The following TPCN1 variants were observed in gnomAD, a reference collection of about 807,000 sequenced individuals.
TPCN1 encodes the protein two pore channel protein 1.
A neutral mutation model predicts 108.8 loss-of-function variants in TPCN1; 52 were observed. That is an observed-to-expected ratio of 0.48 (90% confidence interval 0.38 to 0.60). The LOEUF (loss-of-function observed/expected upper bound fraction) is 0.60, where lower values mean the gene tolerates loss of function less well. TPCN1 is among the 20% of genes least tolerant of loss of function. The pLI is 0.00. For synonymous variants in TPCN1, 446 were observed against 433.7 expected, an observed-to-expected ratio of 1.03 and a Z score of -0.35; for missense variants, 806 against 1,072.8, an observed-to-expected ratio of 0.75 and a Z score of 3.47.
At chr12:113,270,605 C>T (rs962210740) in intron 7 of TPCN1, among the ~76,000 whole-genome samples, 4 of 152,038 alleles carry the variant, frequency 2.6e-5, no homozygotes, top group Admixed American at 2.0e-4. Flanking sequence ...CTCAGCCTCC[C>T]GAGTAGCTGG....
Position 113,288,305 on chromosome 12 carries a change from G to A in TPCN1, c.1706+71G>A, listed in dbSNP as rs749061346. ...GCAGTGCCCCGTGGGGGCGGGAGCC[G>A]AGTGGCAGTCGGGGGAAAGGAGTTC... is the stretch of plus-strand genomic sequence containing the variant. On this transcript the variant is annotated intron_variant, in intron 20 of 27. Coordinates refer to ENST00000335509, the MANE Select transcript of TPCN1 (RefSeq NM_017901.6). This position sits in a 1 kb window ranked among gnomAD's most constrained non-coding sequence, Gnocchi z 4.8. The A allele has an allele frequency of 1.6e-5, 26 of 1,604,750 alleles. No homozygotes were observed. In the Admixed American group the frequency reaches 2.0e-4, roughly 13 times the overall value.
At chr12:113,229,207 C>CT (rs1953584171) in intron 2 of TPCN1, among the ~76,000 whole-genome samples, 1 of 152,210 alleles carries the variant, frequency 6.6e-6, no homozygotes, top group South Asian at 2.1e-4. Context: ...AAATGTATAA[C>CT]TAACTGCTGG....
chr12:113,250,356 C>T (rs866980417), intron 2 of TPCN1, among the ~76,000 whole-genome samples: 1 of 152,246 alleles, frequency 6.6e-6, no homozygotes, highest in South Asian at 2.1e-4. Context: ...TACCTGTAAA[C>T]ATGTAGATGC....
At chr12:113,239,452 A>G (rs964719292) in intron 2 of TPCN1, among the ~76,000 whole-genome samples, 2 of 152,196 alleles carry the variant, frequency 1.3e-5, no homozygotes, top group Non-Finnish European at 2.9e-5. Context: ...CTGGTAGTAC[A>G]AGTTTTGCAA....
chr12:113,291,047 C>T lies in TPCN1; in HGVS notation c.1959+49C>T, dbSNP rs140830788. The T allele has an allele frequency of 6.0e-3, 9,347 of 1,565,800 alleles. 32 individuals carry two copies. The highest frequency in any genetic ancestry group is 7.2e-3 in the Non-Finnish European group (8,226 of 1,139,068). ...GGTATCTTCCCGCCAGCCCTGGGGTCGGCCCTGGGTCTCCCCCAACCCAGA... is the reference window on the plus strand; with the variant it reads ...GGTATCTTCCCGCCAGCCCTGGGGTTGGCCCTGGGTCTCCCCCAACCCAGA... On this transcript the variant is annotated intron_variant, in intron 23 of 27. Transcript: ENST00000335509.
At chr12:113,229,891 G>A (rs895766554) in intron 2 of TPCN1, among the ~76,000 whole-genome samples, 3 of 152,208 alleles carry the variant, frequency 2.0e-5, no homozygotes, top group African/African-American at 7.2e-5. Flanking sequence ...GGGAGGGCAA[G>A]CTCTTCAGCT....
intron 1 of TPCN1, chr12:113,225,425 A>G: frequency 3.1e-6 from 1 of 326,874 alleles, no homozygotes; most frequent in Non-Finnish European, 6.1e-6. Flanking sequence ...GGTAGGACAT[A>G]TTGGCCCTAA....
chr12:113,277,058 G>C lies in TPCN1; in HGVS notation c.1059+23G>C, dbSNP rs1244532744. 5 of 1,605,774 alleles carry C rather than the reference G, an allele frequency of 3.1e-6. No individual in the cohort carries two copies. The South Asian group carries it at 4.4e-5, about 14-fold the overall frequency. ...AGGGTAGGAACTATGGGCCAGGGAG[G>C]GGCTTGGTCCCTGTCCTCCCTCCCT... On this transcript the variant is annotated intron_variant, in intron 11 of 27. Coordinates refer to ENST00000335509, the MANE Select transcript of TPCN1 (RefSeq NM_017901.6).
chr12:113,276,633 G>A (rs1057416259), intron 10 of TPCN1, among the ~76,000 whole-genome samples: 1 of 152,158 alleles, frequency 6.6e-6, no homozygotes, highest in Non-Finnish European at 1.5e-5. Context: ...AGCTGGAACT[G>A]GGGAAAGGAG....
intron 3 of TPCN1, among the ~76,000 whole-genome samples, chr12:113,262,241 C>T: frequency 6.6e-6 from 1 of 152,026 alleles, no homozygotes; most frequent in East Asian, 1.9e-4. Context: ...CAGAACCCAT[C>T]TCTGGTAAAA....
intron 2 of TPCN1, among the ~76,000 whole-genome samples, chr12:113,245,458 G>A (rs1195882439): frequency 2.0e-5 from 3 of 146,906 alleles, no homozygotes; most frequent in Admixed American, 6.7e-5. Context: ...AAAATTAGCC[G>A]GGCGTGGTAG....
At chr12:113,278,740 A>C in intron 13 of TPCN1, 32 bp from the exon 14 acceptor site, 1 of 1,604,134 alleles carries the variant, frequency 6.2e-7, no homozygotes, top group Non-Finnish European at 8.5e-7. Flanking sequence ...CCTGGCCCTG[A>C]CACCCTCCCT....
rs538888795 is a variant in TPCN1, at chr12:113,282,843, T to C, written c.1343-1738T>C. On this transcript the variant is annotated intron_variant, in intron 15 of 27. Transcript: ENST00000335509. ...GCTTATGCCTGTAATCCCAACACTTTGGGAGGCCGAGGCGGGCAGATCACT... is the reference window on the plus strand; with the variant it reads ...GCTTATGCCTGTAATCCCAACACTTCGGGAGGCCGAGGCGGGCAGATCACT... 4.7e-4 allele frequency among the ~76,000 whole-genome samples: 70 copies of C among 148,602 alleles called. 1 individual carries two copies. The highest frequency in any genetic ancestry group is 3.1e-3 in the Admixed American group (46 of 15,018).
At chr12:113,246,717 G>C (rs933004997) in intron 2 of TPCN1, among the ~76,000 whole-genome samples, 1 of 152,090 alleles carries the variant, frequency 6.6e-6, no homozygotes, top group Admixed American at 6.5e-5. Flanking sequence ...GGGCCCCTGC[G>C]ACGTGCCCCA....
chr12:113,237,215 G>A (rs1410314416), intron 2 of TPCN1, among the ~76,000 whole-genome samples: 1 of 152,188 alleles, frequency 6.6e-6, no homozygotes. Context: ...TGGAGATTGA[G>A]AGGTGGATGG....
rs1956190001 is a variant in TPCN1 at position 113,289,248 on chromosome 12, G to A, written c.1796+401G>A. ...CGGACACGTGCAGGAAGGTCATGGT[G>A]CTCAGGGATGGGGAGCAGAGAGTGA... is the stretch of plus-strand genomic sequence containing the variant. On this transcript the variant is annotated intron_variant, in intron 21 of 27. Coordinates refer to ENST00000335509, the MANE Select transcript of TPCN1 (RefSeq NM_017901.6). This position sits in a 1 kb window ranked among gnomAD's most constrained non-coding sequence, Gnocchi z 4.1. Among the ~76,000 whole-genome samples the A allele has an allele frequency of 1.3e-5, 2 of 152,218 alleles. No homozygotes were observed. The highest frequency in any genetic ancestry group is 4.8e-5 in the African/African-American group (2 of 41,452).
rs1256406112 is a variant in TPCN1, at chr12:113,298,500, T to C, written c.*2424T>C. 6.6e-6 allele frequency: 1 copy of C among 152,274 alleles called. No individual in the cohort carries two copies. Among genetic ancestry groups the C allele is most frequent in the Non-Finnish European group, 1.5e-5 (1 of 68,046 alleles). The allele number at this position is 152,274 out of a possible 1,614,324, so 9.4% of individuals were successfully genotyped here. ...GATCACGGGAGCAATGCTGTACGGT[T>C]TTGTACACTGGTGGTTTGTTTCCTA... On this transcript the variant is annotated 3_prime_UTR_variant, in exon 28 of 28. Coordinates refer to ENST00000335509, the MANE Select transcript of TPCN1 (RefSeq NM_017901.6).
At chr12:113,282,179 C>T (rs1004136691) in intron 15 of TPCN1, among the ~76,000 whole-genome samples, 1 of 150,920 alleles carries the variant, frequency 6.6e-6, no homozygotes, top group Non-Finnish European at 1.5e-5. Flanking sequence ...CAAGCTCCGC[C>T]TCCCGGGTTC....
rs142846650 is a variant in TPCN1 at position 113,229,315 on chromosome 12, G to A, written c.112+2351G>A. ...ATTTTTTAAAACCTCAATGACTTGT[G>A]GGTGTAATTCACCAAGCCTGGCTGG... On this transcript the variant is annotated intron_variant, in intron 2 of 27. Coordinates refer to ENST00000335509, the MANE Select transcript of TPCN1 (RefSeq NM_017901.6). Among the ~76,000 whole-genome samples the A allele has an allele frequency of 1.8e-3, 278 of 152,316 alleles. 4 individuals carry two copies. The highest frequency in any genetic ancestry group is 6.4e-3 in the African/African-American group (264 of 41,568).
Sources: gnomAD v4.1 joint callset for allele counts (sites outside exome capture counted in the v4.1 genomes callset) on GRCh38, gnomAD v4.1.1 for gene constraint, Gnocchi (gnomAD v3.1) non-coding constraint, MANE v1.5 for transcripts, NCBI Gene and HGNC (gene_info 2026-07-23, HGNC 2026-07-21) for gene names.